The following ROBO4 variants were observed in gnomAD, a reference collection of about 807,000 sequenced individuals.
The protein encoded by ROBO4 is roundabout homolog 4.
A neutral mutation model predicts 103.3 loss-of-function variants in ROBO4; 80 were observed. The observed-to-expected ratio is 0.77, with a 90% confidence interval of 0.65 to 0.93. ROBO4 has a LOEUF of 0.93. Ranked by LOEUF, ROBO4 falls within the 40% of genes least tolerant of loss-of-function variation. The pLI, the probability that ROBO4 is intolerant of heterozygous loss-of-function variation, is 0.00. For synonymous variants in ROBO4, 504 were observed against 529.7 expected (o/e 0.95, Z 0.67); for missense variants, 1,333 against 1,305.3 (o/e 1.02, Z -0.33).
Position 124,885,073 on chromosome 11 carries a change from C to A in ROBO4, c.2969G>T (p.Ser990Ile), listed in dbSNP as rs1475365135. 1 of 1,614,212 alleles carries A rather than the reference C, an allele frequency of 6.2e-7. No homozygotes were observed. The highest frequency in any genetic ancestry group is 8.5e-7 in the Non-Finnish European group (1 of 1,180,046). ...PPDSQISSQR[S>I]QLHCRMPKAG... ...CTTGGGCATACGACAGTGGAGCTGA[C>A]TTCTCTGGGAAGAGATCTGAGAGTC... The change falls in exon 17 of 18, where the codon AGT (serine) becomes ATT (isoleucine). Residue 990 changes from serine to isoleucine, a missense_variant. Ser to Ile is a moderately radical substitution (Grantham distance 142). Coordinates refer to ENST00000306534, the MANE Select transcript of ROBO4 (RefSeq NM_019055.6).
Position 124,895,441 on chromosome 11 carries a change from G to A in ROBO4, c.1036+16C>T, listed in dbSNP as rs1946868885. The A allele has an allele frequency of 1.2e-6, 2 of 1,604,754 alleles. No homozygotes were observed. Among genetic ancestry groups the A allele is most frequent in the Non-Finnish European group, 1.7e-6 (2 of 1,177,544 alleles). On this transcript the variant is annotated intron_variant, in intron 6 of 17. Transcript: ENST00000306534. ...AGAGGGGATATTGTTGGCTTCTGAA[G>A]GGATCAGGCCCTGACCTTTTTCCGG...
intron 12 of ROBO4, among the ~76,000 whole-genome samples, chr11:124,888,981 G>A (rs1329483484): frequency 6.6e-6 from 1 of 152,182 alleles, no homozygotes; most frequent in African/African-American, 2.4e-5. Context: ...AGGACCTTCA[G>A]GGTAGAGCTA....
At chr11:124,894,647 G>A (rs973032891) in intron 7 of ROBO4, among the ~76,000 whole-genome samples, 6 of 152,230 alleles carry the variant, frequency 3.9e-5, no homozygotes, top group Non-Finnish European at 8.8e-5. Flanking sequence ...GCCTGCTATA[G>A]TACAGTTTGC....
intron 4 of ROBO4, 67 bp from the exon 5 acceptor site, chr11:124,895,979 C>T (rs1407228476): frequency 2.5e-6 from 4 of 1,597,144 alleles, no homozygotes; most frequent in Non-Finnish European, 3.4e-6. Flanking sequence ...CGTGGAACAT[C>T]CCTCAGCCAG....
At chr11:124,897,675 G>A in intron 1 of ROBO4, 51 bp downstream of exon 1, 3 of 1,558,158 alleles carry the variant, frequency 1.9e-6, no homozygotes, top group Non-Finnish European at 2.7e-6. Flanking sequence ...CTTCTGCCCT[G>A]AGCAGGCCTT....
At chr11:124,892,553 C>G (rs1430565031) in intron 10 of ROBO4, 1 of 156,944 alleles carries the variant, frequency 6.4e-6, no homozygotes, top group African/African-American at 2.4e-5. Context: ...TTACTTGCTG[C>G]TTCATTGCTC....
chr11:124,890,949 G>C (rs1591532732), intron 12 of ROBO4, among the ~76,000 whole-genome samples: 2 of 152,352 alleles, frequency 1.3e-5, no homozygotes, highest in East Asian at 1.9e-4. Flanking sequence ...CAGGCCCTGA[G>C]CCCTTAGAAG....
chr11:124,885,774 C>T (rs992093435), intron 16 of ROBO4, among the ~76,000 whole-genome samples: 4 of 152,104 alleles, frequency 2.6e-5, no homozygotes, highest in Non-Finnish European at 5.9e-5. Context: ...GCCCCAGCCA[C>T]GGACAGGGCA....
In ROBO4 at chr11:124,891,502, T is replaced by A; in HGVS notation, c.1745A>T (p.Tyr582Phe). 6.2e-7 allele frequency: 1 copy of A among 1,613,960 alleles called. No homozygotes were observed. The highest frequency in any genetic ancestry group is 8.5e-7 in the Non-Finnish European group (1 of 1,179,950). ...VPLLPDTSTF[Y>F]GSLIAELPSS... ...GGGCAGCTCAGCGATGAGGGAGCCA[T>A]AAAAAGTGCTGGTGTCTGGAAGCAG... Residue 582 changes from tyrosine (Y) to phenylalanine (F), a missense_variant, in exon 12 of 18, where the codon TAT becomes TTT. Tyr to Phe is a conservative substitution (Grantham distance 22). Coordinates refer to ENST00000306534, the MANE Select transcript of ROBO4 (RefSeq NM_019055.6).
In ROBO4 at chr11:124,897,064, G is replaced by A; in HGVS notation, c.268C>T (p.Leu90=). The A allele has an allele frequency of 6.2e-7, 1 of 1,613,050 alleles. No individual in the cohort carries two copies. Among genetic ancestry groups the A allele is most frequent in the Non-Finnish European group, 8.5e-7 (1 of 1,179,396 alleles). The change falls in exon 2 of 18, where the codon CTG becomes TTG. Residue 90 remains leucine (L), a synonymous_variant. Transcript: ENST00000306534. ...HHLLPDGTLL[L]LQPPARGHAH... ...TGTCCCCGGGCAGGGGGCTGTAGCAGCAGAAGGGTCCCATCAGGCAGGAGG... is the reference window on the plus strand; with the variant it reads ...TGTCCCCGGGCAGGGGGCTGTAGCAACAGAAGGGTCCCATCAGGCAGGAGG...
At position 124,891,784 on chromosome 11, in the gene ROBO4, G is replaced by T. The variant is rs754253542; in HGVS notation, c.1566C>A (p.Ser522=). ...ILKHRMDHSD[S]QWLADTWRST... is the part of the protein sequence containing the mutation. ...AACGCCAAGTGTCTGCCAACCACTG[G>T]GAGTCACTGTGATCCATCCTGGGGC... is the stretch of plus-strand genomic sequence containing the variant. The change falls in exon 11 of 18, where the codon TCC becomes TCA. Residue 522 remains serine, a synonymous_variant. Coordinates refer to ENST00000306534, the MANE Select transcript of ROBO4 (RefSeq NM_019055.6). 1.9e-6 allele frequency: 3 copies of T among 1,614,138 alleles called. No homozygotes were observed. The highest frequency in any genetic ancestry group is 2.5e-6 in the Non-Finnish European group (3 of 1,180,010).
intron 7 of ROBO4, 150 bp downstream of exon 7, chr11:124,894,931 G>A (rs1946858316): frequency 3.1e-6 from 2 of 652,726 alleles, no homozygotes; most frequent in South Asian, 1.9e-5. Context: ...GGGTCTGGAA[G>A]CCAGTGGGTC....
chr11:124,886,659 T>TG lies in ROBO4; in HGVS notation c.2598dup (p.Thr867HisfsTer16), dbSNP rs754051774. 5.0e-6 allele frequency: 8 copies of TG among 1,613,304 alleles called. No homozygotes were observed. Among genetic ancestry groups the TG allele is most frequent in the Non-Finnish European group, 6.8e-6 (8 of 1,179,670 alleles). ...TTGGCTAAGGAGCCCTCGCTGGGGG[T>TG]GGGGGTGAGGCAGGGCCGAGGTGGG... On this transcript the variant is annotated frameshift_variant, in exon 16 of 18. Coordinates refer to ENST00000306534, the MANE Select transcript of ROBO4 (RefSeq NM_019055.6). LOFTEE classifies it high-confidence loss of function.
intron 10 of ROBO4, among the ~76,000 whole-genome samples, chr11:124,893,452 A>C (rs964781986): frequency 3.3e-5 from 5 of 152,182 alleles, no homozygotes; most frequent in African/African-American, 1.2e-4. Flanking sequence ...GGGTGACAAG[A>C]GTCCTGGATT....
chr11:124,885,145 A>G lies in ROBO4; in HGVS notation c.2897T>C (p.Val966Ala), dbSNP rs1591528742. The G allele has an allele frequency of 6.2e-7, 1 of 1,613,868 alleles. No homozygotes were observed. The highest frequency in any genetic ancestry group is 1.1e-5 in the South Asian group (1 of 91,064). ...WRPDWLEDME[V>A]SHTQRLGRGM... is the part of the protein sequence containing the mutation. ...CCTTCCCAGCCGCTGGGTGTGGCTG[A>G]CCTCCATGTCTTCCAACCAGTCTGG... is the stretch of plus-strand genomic sequence containing the variant. The change falls in exon 17 of 18, where the codon GTC becomes GCC. Residue 966 changes from valine to alanine, a missense_variant. Coordinates refer to ENST00000306534, the MANE Select transcript of ROBO4 (RefSeq NM_019055.6).
At position 124,891,398 on chromosome 11, in the gene ROBO4, G is replaced by A. The variant is rs376195962; in HGVS notation, c.1849C>T (p.Pro617Ser). 3.2e-6 allele frequency: 5 copies of A among 1,578,898 alleles called. No homozygotes were observed. Among genetic ancestry groups the A allele is most frequent in the Non-Finnish European group, 3.4e-6 (4 of 1,161,816 alleles). ...CAGAGGCTGTCTGAGCTGGAACAGG[G>A]GCTGGAGAGCTGGGCCAGCTGGGGT... ...LPPQLAQLSS[P>S]CSSSDSLCSR... is the part of the protein sequence containing the mutation. The change falls in exon 12 of 18, where the codon CCC becomes TCC. Residue 617 changes from proline (P) to serine (S), a missense_variant. By Grantham distance (74) the Pro-to-Ser change is moderately conservative (BLOSUM62 -1). Coordinates refer to ENST00000306534, the MANE Select transcript of ROBO4 (RefSeq NM_019055.6).
intron 15 of ROBO4, 66 bp downstream of exon 15, chr11:124,886,911 T>A: frequency 6.5e-7 from 1 of 1,546,460 alleles, no homozygotes. Context: ...GAGGGCGGAA[T>A]GGGTGGAGAG....
chr11:124,884,997 C>A, intron 17 of ROBO4, 44 bp downstream of exon 17: 1 of 1,613,522 alleles, frequency 6.2e-7, no homozygotes. Context: ...CCCAGAGGCC[C>A]TCTGGTCAAG....
rs1288867951 is a variant in ROBO4 at position 124,884,620 on chromosome 11, G to T, written c.*271C>A. The T allele has an allele frequency of 1.8e-6, 1 of 553,630 alleles. No homozygotes were observed. The highest frequency in any genetic ancestry group is 3.2e-6 in the Non-Finnish European group (1 of 311,016). 34.3% of individuals were successfully genotyped at this position (553,630 alleles called of 1,614,324 possible). ...CTGCTCCTCAGGCCAAAACAACCTG[G>T]TGGTGGGAGTGGATGGCACAGAGGA... On this transcript the variant is annotated 3_prime_UTR_variant, in exon 18 of 18. Coordinates refer to ENST00000306534, the MANE Select transcript of ROBO4 (RefSeq NM_019055.6).
Sources: gnomAD v4.1 joint callset for allele counts (sites outside exome capture counted in the v4.1 genomes callset) on GRCh38, gnomAD v4.1.1 for gene constraint, MANE v1.5 for transcripts, NCBI Gene and HGNC (gene_info 2026-07-23, HGNC 2026-07-21) for gene names.